Variants in BMPER observed in about 807,000 individuals in gnomAD.
The protein encoded by BMPER is BMP-binding endothelial regulator protein.
BMPER carries 45 observed loss-of-function variants against 87.3 expected under a neutral mutation model. That is an observed-to-expected ratio of 0.52 (90% CI 0.41 to 0.66). The LOEUF is 0.66. BMPER is among the 30% of genes least tolerant of loss of function. BMPER has a pLI of 0.00. For synonymous variants in BMPER, 326 were observed against 316.2 expected (o/e 1.03, Z -0.33); for missense variants, 784 against 867.5 (o/e 0.90, Z 1.21).
At chr7:34,003,736 CAGT>C (rs2127936692) in intron 6 of BMPER, among the ~76,000 whole-genome samples, 1 of 151,982 alleles carries the variant, frequency 6.6e-6, no homozygotes, top group East Asian at 1.9e-4. Context: ...ATTCTTTCAC[CAGT>C]TTGAATATGT....
chr7:34,026,737 C>A (rs1202581468), intron 6 of BMPER, among the ~76,000 whole-genome samples: 1 of 152,104 alleles, frequency 6.6e-6, no homozygotes, highest in African/African-American at 2.4e-5. Context: ...ACTCCAGAGA[C>A]ATAAGCATCT....
At chr7:34,005,546 C>T (rs1251183333) in intron 6 of BMPER, among the ~76,000 whole-genome samples, 1 of 151,912 alleles carries the variant, frequency 6.6e-6, no homozygotes, top group Non-Finnish European at 1.5e-5. Flanking sequence ...CTTCTGGGCT[C>T]AGGCAACCCT....
intron 3 of BMPER, among the ~76,000 whole-genome samples, chr7:33,966,122 T>G (rs1785400897): frequency 6.6e-6 from 1 of 152,228 alleles, no homozygotes; most frequent in South Asian, 2.1e-4. Context: ...TAATCTCATG[T>G]AAGATCCCTT....
At chr7:34,111,739 G>A (rs550042171) in intron 13 of BMPER, among the ~76,000 whole-genome samples, 95 of 152,256 alleles carry the variant, frequency 6.2e-4, no homozygotes, top group African/African-American at 2.3e-3. Flanking sequence ...TTGAGATGGA[G>A]TTTCACTCTT....
intron 6 of BMPER, among the ~76,000 whole-genome samples, chr7:33,987,709 C>T (rs1478980115): frequency 6.6e-6 from 1 of 151,864 alleles, no homozygotes; most frequent in East Asian, 1.9e-4. Flanking sequence ...CTCTTCTGTT[C>T]TCTGTGATAC....
chr7:33,910,998 G>A (rs1408363439), intron 2 of BMPER, among the ~76,000 whole-genome samples: 1 of 152,244 alleles, frequency 6.6e-6, no homozygotes, highest in African/African-American at 2.4e-5. Context: ...GTATGCACGT[G>A]TGAAACAGAG....
chr7:33,907,979 C>T (rs1169777543), intron 2 of BMPER, among the ~76,000 whole-genome samples: 2 of 152,124 alleles, frequency 1.3e-5, no homozygotes, highest in African/African-American at 2.4e-5. Flanking sequence ...TTATCAGGTT[C>T]GGAAGACTAA....
chr7:34,129,558 A>AG (rs1554322600), intron 13 of BMPER, among the ~76,000 whole-genome samples: 2 of 142,360 alleles, frequency 1.4e-5, no homozygotes, highest in Non-Finnish European at 3.0e-5. Flanking sequence ...GACAGAAAGA[A>AG]AAGGAAGGAA....
rs374884291 is a variant in BMPER at position 34,046,360 on chromosome 7, C to A, written c.631C>A (p.His211Asn). ...CTGTCCCATTCTCTCCTGTCCCCAG[C>A]ACCTTAGTCACATACCCCCAGGACA... Reference protein sequence around the residue: ...EVCPILSCPQHLSHIPPGQCC... With the variant: ...EVCPILSCPQNLSHIPPGQCC... The change falls in exon 7 of 15, where the codon CAC (histidine) becomes AAC (asparagine). Residue 211 changes from histidine (H) to asparagine (N), a missense_variant. Transcript: ENST00000649409. 1 of 1,613,958 alleles carries A rather than the reference C, an allele frequency of 6.2e-7. No homozygotes were observed. The highest frequency in any genetic ancestry group is 1.3e-5 in the African/African-American group (1 of 74,900).
intron 13 of BMPER, among the ~76,000 whole-genome samples, chr7:34,121,318 A>G (rs1017508458): frequency 2.0e-5 from 3 of 152,190 alleles, no homozygotes; most frequent in African/African-American, 7.2e-5. Context: ...ATACTTCATT[A>G]TGAACAAAAG....
At chr7:34,108,464 G>A (rs1017694802) in intron 13 of BMPER, among the ~76,000 whole-genome samples, 5 of 152,166 alleles carry the variant, frequency 3.3e-5, no homozygotes, top group Non-Finnish European at 5.9e-5. Flanking sequence ...TCCTCTCTTG[G>A]TCACCAATCT....
chr7:33,936,385 TG>T (rs1784603530), intron 2 of BMPER, among the ~76,000 whole-genome samples: 2 of 152,150 alleles, frequency 1.3e-5, no homozygotes, highest in Non-Finnish European at 2.9e-5. Context: ...ACTGGAAAGC[TG>T]GGTAATCTTG....
intron 6 of BMPER, among the ~76,000 whole-genome samples, chr7:34,019,683 CAT>C (rs1020249459): frequency 1.9e-4 from 29 of 152,014 alleles, no homozygotes; most frequent in African/African-American, 6.8e-4. Flanking sequence ...CTGTGGGGCA[CAT>C]CTTGAGTCAT....
intron 13 of BMPER, among the ~76,000 whole-genome samples, chr7:34,094,759 G>A (rs867545230): frequency 6.6e-6 from 1 of 152,322 alleles, no homozygotes; most frequent in East Asian, 1.9e-4. Flanking sequence ...GAGGGTTTGT[G>A]TGAGGGTTGC....
intron 3 of BMPER, among the ~76,000 whole-genome samples, chr7:33,954,352 G>A (rs1338303865): frequency 3.9e-5 from 6 of 152,190 alleles, no homozygotes; most frequent in African/African-American, 1.4e-4. Flanking sequence ...GAAGATACAA[G>A]GTTTCACAGA....
intron 11 of BMPER, among the ~76,000 whole-genome samples, chr7:34,073,408 G>C (rs552864218): frequency 2.0e-5 from 3 of 152,108 alleles, no homozygotes; most frequent in Non-Finnish European, 2.9e-5. Flanking sequence ...TAATACAATG[G>C]CAAGTATTTT....
chr7:34,026,449 C>A (rs756700335), intron 6 of BMPER, among the ~76,000 whole-genome samples: 2 of 152,034 alleles, frequency 1.3e-5, no homozygotes, highest in Non-Finnish European at 2.9e-5. Context: ...TCAGATCAGA[C>A]CTCTAAGCAA....
intron 6 of BMPER, among the ~76,000 whole-genome samples, chr7:34,022,290 CTTCTAGGGATCAT>C (rs1378741260): frequency 6.6e-6 from 1 of 152,000 alleles, no homozygotes; most frequent in Non-Finnish European, 1.5e-5. Flanking sequence ...CAGGGGGCTT[CTTCTAGGGATCAT>C]TTCCCATGTT....
chr7:34,119,010 T>TCACACACACACACACACACACA (rs1177104407), intron 13 of BMPER, among the ~76,000 whole-genome samples: 1 of 33,968 alleles, frequency 2.9e-5, no homozygotes, highest in Non-Finnish European at 6.4e-5. Context: ...TCTCTCTCTC[T>TCACACACACACACACACACACA]CTCTCACACA....
Sources: allele counts gnomAD v4.1 joint callset (sites outside exome capture counted in the v4.1 genomes callset), GRCh38; gene constraint gnomAD v4.1.1; transcripts MANE v1.5; gene names NCBI Gene and HGNC (gene_info 2026-07-23, HGNC 2026-07-21).